KCNAB1: variants seen among roughly 807,000 people sequenced by gnomAD.
The protein encoded by KCNAB1 is potassium voltage-gated channel subfamily A regulatory beta subunit 1, also known as voltage-gated potassium channel subunit beta-1.
Under a neutral mutation model 64.6 loss-of-function variants are expected in KCNAB1, and 35 were observed. That is an observed-to-expected ratio of 0.54 (90% CI 0.41 to 0.72). The LOEUF is 0.72. Among genes scored for constraint, KCNAB1 ranks in the 30% least tolerant of loss-of-function variants. KCNAB1 has a pLI of 0.00. For synonymous variants in KCNAB1, 177 were observed against 183.8 expected (o/e 0.96, Z 0.30); for missense variants, 401 against 512.9 (o/e 0.78, Z 2.11).
At chr3:156,346,848 G>C (rs1243282390) in intron 1 of KCNAB1, among the ~76,000 whole-genome samples, 3 of 152,132 alleles carry the variant, frequency 2.0e-5, no homozygotes, top group Non-Finnish European at 2.9e-5. Flanking sequence ...GTTTTCAGCA[G>C]ATGTTTGTCA....
chr3:156,385,442 GA>G (rs58847115), intron 1 of KCNAB1, among the ~76,000 whole-genome samples: 47,721 of 134,600 alleles, frequency 0.35, 9,674 homozygotes, highest in African/African-American at 0.61. Flanking sequence ...TTGGATGGAA[GA>G]AAAAAAAAAA....
chr3:156,325,750 C>T (rs987494241), intron 1 of KCNAB1, among the ~76,000 whole-genome samples: 5 of 151,694 alleles, frequency 3.3e-5, no homozygotes, highest in East Asian at 3.9e-4. Context: ...CCCAGGAGTT[C>T]GAGACCTGCC....
At chr3:156,522,514 G>A (rs934544720) in intron 11 of KCNAB1, among the ~76,000 whole-genome samples, 1 of 152,166 alleles carries the variant, frequency 6.6e-6, no homozygotes, top group African/African-American at 2.4e-5. Context: ...CAGAGCTAAG[G>A]CTGGGAAAAC....
intron 2 of KCNAB1, among the ~76,000 whole-genome samples, chr3:156,422,480 G>GA (rs1715526694): frequency 6.6e-6 from 1 of 152,186 alleles, no homozygotes; most frequent in Non-Finnish European, 1.5e-5. Flanking sequence ...GAAGATGACA[G>GA]AAAAAAGTCA....
At chr3:156,427,512 T>C (rs2108235958) in intron 2 of KCNAB1, among the ~76,000 whole-genome samples, 1 of 152,326 alleles carries the variant, frequency 6.6e-6, no homozygotes. Context: ...ATCTGGCTAG[T>C]AGCAGGTATT....
intron 1 of KCNAB1, among the ~76,000 whole-genome samples, chr3:156,397,237 CAGTGTTCTCCTCTA>C (rs1713530029): frequency 2.0e-5 from 3 of 152,184 alleles, no homozygotes; most frequent in African/African-American, 7.2e-5. Context: ...CTCTATGATT[CAGTGTTCTCCTCTA>C]AAAAATGGGG....
At chr3:156,132,403 G>A (rs567669409) in intron 1 of KCNAB1, among the ~76,000 whole-genome samples, 1 of 152,334 alleles carries the variant, frequency 6.6e-6, no homozygotes, top group Non-Finnish European at 1.5e-5. Flanking sequence ...CAGTCTATGA[G>A]CATCAGCTCT....
chr3:156,445,980 A>G (rs1711517896), intron 2 of KCNAB1: 1 of 152,222 alleles, frequency 6.6e-6, no homozygotes. Flanking sequence ...CACAGAGTTA[A>G]TGCAAGAGAA....
Position 156,453,552 on chromosome 3 carries a change from T to C in KCNAB1, c.357+616T>C, listed in dbSNP as rs75505393. Among the ~76,000 whole-genome samples the C allele has an allele frequency of 3.4e-4, 52 of 152,364 alleles. No homozygotes were observed. In the East Asian group the frequency reaches 9.6e-3, roughly 28 times the overall value. On this transcript the variant is annotated intron_variant, in intron 3 of 13. Coordinates refer to ENST00000490337, the MANE Select transcript of KCNAB1 (RefSeq NM_172160.3). ...GCAGACACTCAATAAATGGCAGCTATGGTAATTATATTTACAATAAAATTC... is the reference window on the plus strand; with the variant it reads ...GCAGACACTCAATAAATGGCAGCTACGGTAATTATATTTACAATAAAATTC...
At chr3:156,141,488 A>G (rs1369275149) in intron 1 of KCNAB1, among the ~76,000 whole-genome samples, 1 of 151,734 alleles carries the variant, frequency 6.6e-6, no homozygotes, top group Non-Finnish European at 1.5e-5. Context: ...AATGTTATAT[A>G]TATGGAATGA....
At chr3:156,513,839 AAT>A (rs1717381238) in intron 8 of KCNAB1, among the ~76,000 whole-genome samples, 1 of 152,184 alleles carries the variant, frequency 6.6e-6, no homozygotes, top group Non-Finnish European at 1.5e-5. Flanking sequence ...TTCAGCATTT[AAT>A]ATGTTTATCT....
intron 1 of KCNAB1, among the ~76,000 whole-genome samples, chr3:156,123,065 T>A (rs900312248): frequency 8.5e-5 from 13 of 152,202 alleles, no homozygotes; most frequent in African/African-American, 3.1e-4. Flanking sequence ...CGTTGAGAAG[T>A]CCCAGAAAAT....
chr3:156,415,396 C>T (rs913307518), intron 1 of KCNAB1, among the ~76,000 whole-genome samples: 3 of 152,124 alleles, frequency 2.0e-5, no homozygotes, highest in Non-Finnish European at 2.9e-5. Flanking sequence ...CTTTAAAAAG[C>T]CAAGCAACCT....
intron 1 of KCNAB1, among the ~76,000 whole-genome samples, chr3:156,131,163 T>C (rs9862153): frequency 0.51 from 78,121 of 152,018 alleles, 21,957 homozygotes; most frequent in East Asian, 0.7. Flanking sequence ...CTGCCAGGGA[T>C]TTTTACCATT....
chr3:156,391,917 C>A (rs1713069654), intron 1 of KCNAB1, among the ~76,000 whole-genome samples: 1 of 152,156 alleles, frequency 6.6e-6, no homozygotes, highest in South Asian at 2.1e-4. Flanking sequence ...TGCCCAAAAA[C>A]TTATGGATCA....
chr3:156,280,967 G>A (rs1576673115), intron 1 of KCNAB1, among the ~76,000 whole-genome samples: 1 of 149,834 alleles, frequency 6.7e-6, no homozygotes, highest in African/African-American at 2.5e-5. Flanking sequence ...TCCTTCTCCT[G>A]CCTAATTGCC....
chr3:156,268,061 A>C (rs1718822133), intron 1 of KCNAB1, among the ~76,000 whole-genome samples: 1 of 144,818 alleles, frequency 6.9e-6, no homozygotes, highest in South Asian at 2.2e-4. Context: ...TCTGGTAACC[A>C]TCATTCTATT....
intron 1 of KCNAB1, among the ~76,000 whole-genome samples, chr3:156,257,426 G>T (rs1718158227): frequency 6.6e-6 from 1 of 152,024 alleles, no homozygotes; most frequent in African/African-American, 2.4e-5. Context: ...TAATAAAAAG[G>T]AACTGGAGAA....
chr3:156,462,303 G>A (rs905572446), intron 5 of KCNAB1, among the ~76,000 whole-genome samples: 2 of 152,184 alleles, frequency 1.3e-5, no homozygotes, highest in Non-Finnish European at 2.9e-5. Context: ...CTAAGTCTGT[G>A]GCAGTGTTTG....
Sources: gnomAD v4.1 joint callset for allele counts (sites outside exome capture counted in the v4.1 genomes callset) on GRCh38, gnomAD v4.1.1 for gene constraint, MANE v1.5 for transcripts, NCBI Gene and HGNC (gene_info 2026-07-23, HGNC 2026-07-21) for gene names.